Variants in ASB6 observed in about 807,000 individuals in gnomAD.
ASB6 encodes the protein ankyrin repeat and SOCS box protein 6.
A neutral mutation model predicts 28.6 loss-of-function variants in ASB6; 24 were observed. The ratio of observed to expected loss-of-function variants is 0.84; its 90% CI spans 0.61 to 1.18. ASB6 has a LOEUF of 1.18. ASB6 is among the 50% of genes most tolerant of loss of function. ASB6 has a pLI of 0.00. For missense variants in ASB6, 519 were observed against 559.8 expected (o/e 0.93, Z 0.74); for synonymous variants, 267 against 243.4 (o/e 1.10, Z -0.90).
chr9:129,635,435 T>C lies in ASB6; in HGVS notation c.*2355A>G, dbSNP rs1322765673. On this transcript the variant is annotated 3_prime_UTR_variant, in exon 6 of 6. Coordinates refer to ENST00000277458, the MANE Select transcript of ASB6 (RefSeq NM_017873.4). ...GCAGGAGAACCTCCCCGATGAGATCTACCATGTCTATAGCTTTGCCCTGAG... is the reference window on the plus strand; with the variant it reads ...GCAGGAGAACCTCCCCGATGAGATCCACCATGTCTATAGCTTTGCCCTGAG... 1 of 1,613,318 alleles carries C rather than the reference T, an allele frequency of 6.2e-7. No individual in the cohort carries two copies. Among genetic ancestry groups the C allele is most frequent in the East Asian group, 2.2e-5 (1 of 44,852 alleles).
rs964595152 is a variant in ASB6 at position 129,635,897 on chromosome 9, G to C, written c.*1893C>G. 28 of 190,906 alleles carry C rather than the reference G, an allele frequency of 1.5e-4. No individual in the cohort carries two copies. Among genetic ancestry groups the C allele is most frequent in the Non-Finnish European group, 5.5e-5 (5 of 91,602 alleles). 11.8% of individuals were successfully genotyped at this position (190,906 alleles called of 1,614,324 possible). On this transcript the variant is annotated 3_prime_UTR_variant, in exon 6 of 6. Transcript: ENST00000277458. ...CAGTGTGATCTTTACCTAGGGGAGG[G>C]ACAGAGCTGGGCTGGTGGAGCCCAT... is the stretch of plus-strand genomic sequence containing the variant.
In ASB6 at chr9:129,638,421, G is replaced by A. The variant is rs765164273; in HGVS notation, c.635C>T (p.Thr212Ile). ...DVKATTKDGD[T>I]VFTCIIFLLG... ...CAGGAAGATGATGCAGGTGAACACTGTGTCCCCATCTTTGGTGGTGGCCTT... is the reference window on the plus strand; with the variant it reads ...CAGGAAGATGATGCAGGTGAACACTATGTCCCCATCTTTGGTGGTGGCCTT... Residue 212 changes from threonine to isoleucine, a missense_variant, in exon 6 of 6, where the codon ACA becomes ATA. Coordinates refer to ENST00000277458, the MANE Select transcript of ASB6 (RefSeq NM_017873.4). 7.4e-6 allele frequency: 12 copies of A among 1,612,976 alleles called. No homozygotes were observed. In the South Asian group the frequency reaches 1.2e-4, roughly 16 times the overall value.
intron 4 of ASB6, 134 bp from the exon 5 acceptor site, chr9:129,638,793 T>A: frequency 1.4e-6 from 1 of 728,180 alleles, no homozygotes; most frequent in Non-Finnish European, 2.3e-6. Context: ...TCAGCTCAGG[T>A]GAGGGCTGAG....
intron 1 of ASB6, 169 bp from the exon 2 acceptor site, chr9:129,640,891 C>T: frequency 1.3e-6 from 1 of 766,058 alleles, no homozygotes; most frequent in Non-Finnish European, 2.1e-6. Context: ...GGCCACGCTG[C>T]ATCTCTTAAT....
Position 129,635,399 on chromosome 9 carries a change from G to A in ASB6, c.*2391C>T, listed in dbSNP as rs1350268866. On this transcript the variant is annotated 3_prime_UTR_variant, in exon 6 of 6. Coordinates refer to ENST00000277458, the MANE Select transcript of ASB6 (RefSeq NM_017873.4). Reference sequence around the variant, plus strand: ...CTGCAGTGCAGGCCTCAGCCTCCTGGCCGAGGAGAGGCAGGAGAACCTCCC... The same window carrying A: ...CTGCAGTGCAGGCCTCAGCCTCCTGACCGAGGAGAGGCAGGAGAACCTCCC... The A allele has an allele frequency of 6.2e-7, 1 of 1,613,638 alleles. No individual in the cohort carries two copies. The highest frequency in any genetic ancestry group is 1.1e-5 in the South Asian group (1 of 91,086).
Position 129,638,283 on chromosome 9 carries a change from G to A in ASB6, c.773C>T (p.Ala258Val), listed in dbSNP as rs1381373750. Reference protein sequence around the residue: ...AHGADPSECPAHESLTHICLK... With the variant: ...AHGADPSECPVHESLTHICLK... ...GCAGATGTGGGTGAGGGACTCGTGG[G>A]CTGGGCACTCGCTGGGGTCGGCCCC... The change falls in exon 6 of 6, where the codon GCC becomes GTC. Residue 258 changes from alanine to valine, a missense_variant. Physicochemically the swap from Ala to Val is moderately conservative, Grantham distance 64 (BLOSUM62 0). Transcript: ENST00000277458. 1 of 1,613,008 alleles carries A rather than the reference G, an allele frequency of 6.2e-7. No homozygotes were observed. The highest frequency in any genetic ancestry group is 8.5e-7 in the Non-Finnish European group (1 of 1,180,028).
chr9:129,639,313 G>C lies in ASB6; in HGVS notation c.403-3C>G. ...TCCAAGGGGCTACTCTCGTGGATCT[G>C]AGCCAAGGAAGCACAGCCAGGTTGG... On this transcript the variant is annotated splice_polypyrimidine_tract_variant and splice_region_variant and intron_variant, in intron 3 of 5. Coordinates refer to ENST00000277458, the MANE Select transcript of ASB6 (RefSeq NM_017873.4). The C allele has an allele frequency of 6.2e-7, 1 of 1,609,592 alleles. No homozygotes were observed. Among genetic ancestry groups the C allele is most frequent in the South Asian group, 1.1e-5 (1 of 90,862 alleles).
In ASB6 at chr9:129,635,087, A is replaced by G. The variant is rs1588145833; in HGVS notation, c.*2703T>C. ...CTCGGGACTGAGAGCCAATGAGGCC[A>G]TGTGTGCACACAAAATGCTGGGCAC... On this transcript the variant is annotated 3_prime_UTR_variant, in exon 6 of 6. Transcript: ENST00000277458. 8.6e-7 allele frequency: 1 copy of G among 1,156,282 alleles called. No homozygotes were observed. Among genetic ancestry groups the G allele is most frequent in the African/African-American group, 1.5e-5 (1 of 65,416 alleles). 71.6% of individuals were successfully genotyped at this position (1,156,282 alleles called of 1,614,324 possible).
At position 129,640,540 on chromosome 9, in the gene ASB6, C is replaced by T; in HGVS notation, c.295+1G>A. 6.2e-7 allele frequency: 1 copy of T among 1,605,392 alleles called. No homozygotes were observed. The highest frequency in any genetic ancestry group is 1.1e-5 in the South Asian group (1 of 90,466). On this transcript the variant is annotated splice_donor_variant, in intron 2 of 5. Transcript: ENST00000277458. LOFTEE classifies it high-confidence loss of function. ...TGCCCACCCCCGGGGCTCTCGCTGA[C>T]CTTCAAAGTTGAGATTGGCCCCATG...
At position 129,635,400 on chromosome 9, in the gene ASB6, C is replaced by T; in HGVS notation, c.*2390G>A. The T allele has an allele frequency of 6.2e-7, 1 of 1,613,610 alleles. No homozygotes were observed. The highest frequency in any genetic ancestry group is 8.5e-7 in the Non-Finnish European group (1 of 1,180,020). On this transcript the variant is annotated 3_prime_UTR_variant, in exon 6 of 6. Transcript: ENST00000277458. ...TGCAGTGCAGGCCTCAGCCTCCTGG[C>T]CGAGGAGAGGCAGGAGAACCTCCCC...
Position 129,639,385 on chromosome 9 carries a change from C to T in ASB6, c.402+17G>A, listed in dbSNP as rs1181609291. The T allele has an allele frequency of 3.6e-5, 57 of 1,602,948 alleles. No homozygotes were observed. The highest frequency in any genetic ancestry group is 4.7e-5 in the Non-Finnish European group (55 of 1,171,406). ...CTGCCCAACCCTGCTTCAAAGCAAGCTGGACCTGGCACTTACCCGGTCCCT... is the reference window on the plus strand; with the variant it reads ...CTGCCCAACCCTGCTTCAAAGCAAGTTGGACCTGGCACTTACCCGGTCCCT... On this transcript the variant is annotated intron_variant, in intron 3 of 5. Coordinates refer to ENST00000277458, the MANE Select transcript of ASB6 (RefSeq NM_017873.4).
Position 129,640,950 on chromosome 9 carries a change from TCTC to T in ASB6, c.114-231_114-229del. 5.5e-6 allele frequency: 3 copies of T among 544,058 alleles called. No homozygotes were observed. The South Asian group carries it at 7.2e-5, about 13-fold the overall frequency. 33.7% of individuals were successfully genotyped at this position (544,058 alleles called of 1,614,324 possible). On this transcript the variant is annotated intron_variant, in intron 1 of 5. Transcript: ENST00000277458. Reference sequence around the variant, plus strand: ...GAGAATGGGCTGGGTCTGTCTGCGCTCTCCTCCCGCGTTGCCCAGAGTCCGGTC... The same window carrying T: ...GAGAATGGGCTGGGTCTGTCTGCGCTCTCCCGCGTTGCCCAGAGTCCGGTC...
chr9:129,641,978 G>A lies in ASB6; in HGVS notation c.22C>T (p.Arg8Trp), dbSNP rs200575732. The A allele has an allele frequency of 6.2e-6, 10 of 1,601,970 alleles. No individual in the cohort carries two copies. Among genetic ancestry groups the A allele is most frequent in the Non-Finnish European group, 7.7e-6 (9 of 1,175,484 alleles). MPFLHGF[R>W]RIIFEYQPLV... ...GGCTGGTACTCGAAGATGATCCTCC[G>A]GAAGCCGTGCAGGAACGGCATCGCC... is the stretch of plus-strand genomic sequence containing the variant. The change falls in exon 1 of 6, where the codon CGG (arginine) becomes TGG (tryptophan). Residue 8 changes from arginine (R) to tryptophan (W), a missense_variant. Coordinates refer to ENST00000277458, the MANE Select transcript of ASB6 (RefSeq NM_017873.4).
chr9:129,637,934 G>A lies in ASB6; in HGVS notation c.1122C>T (p.Pro374=), dbSNP rs771732219. The A allele has an allele frequency of 6.3e-7, 1 of 1,593,142 alleles. No individual in the cohort carries two copies. The highest frequency in any genetic ancestry group is 8.6e-7 in the Non-Finnish European group (1 of 1,168,820). ...SLRQLESYPP[P]LKHLCRVAIR... is the part of the protein sequence containing the mutation. ...TGGCCACACGGCACAGGTGCTTGAGGGGCGGGGGATAGCTCTCCAGCTGCC... is the reference window on the plus strand; with the variant it reads ...TGGCCACACGGCACAGGTGCTTGAGAGGCGGGGGATAGCTCTCCAGCTGCC... Residue 374 remains proline, a synonymous_variant, in exon 6 of 6, where the codon CCC becomes CCT. Coordinates refer to ENST00000277458, the MANE Select transcript of ASB6 (RefSeq NM_017873.4).
In ASB6 at chr9:129,641,684, C is replaced by CGGG. The variant is rs11283660; in HGVS notation, c.113+202_113+203insCCC. Among the ~76,000 whole-genome samples, 106 of 151,112 alleles carry CGGG rather than the reference C, an allele frequency of 7.0e-4. 1 individual carries two copies. The highest frequency in any genetic ancestry group is 1.2e-3 in the Non-Finnish European group (80 of 67,630). On this transcript the variant is annotated intron_variant, in intron 1 of 5. Coordinates refer to ENST00000277458, the MANE Select transcript of ASB6 (RefSeq NM_017873.4). ...CCGCGGGCCTCCGCCCTCGGGCCCT[C>CGGG]CCCGCCCTTCGTCTCCGCCATGCAA... is the stretch of plus-strand genomic sequence containing the variant.
In ASB6 at chr9:129,635,533, C is replaced by G. The variant is rs1169621485; in HGVS notation, c.*2257G>C. Reference sequence around the variant, plus strand: ...GGGGAGCTGGCAGCTGGGCAAGATCCAGGCGCCACGCTGGCGGTTCGTGAG... The same window carrying G: ...GGGGAGCTGGCAGCTGGGCAAGATCGAGGCGCCACGCTGGCGGTTCGTGAG... On this transcript the variant is annotated 3_prime_UTR_variant, in exon 6 of 6. Transcript: ENST00000277458. The G allele has an allele frequency of 1.3e-6, 2 of 1,542,558 alleles. No individual in the cohort carries two copies. The highest frequency in any genetic ancestry group is 1.8e-6 in the Non-Finnish European group (2 of 1,141,126).
chr9:129,639,607 C>G (rs747697690), intron 2 of ASB6, 99 bp from the exon 3 acceptor site: 1 of 1,037,842 alleles, frequency 9.6e-7, no homozygotes, highest in Admixed American at 2.2e-5. Flanking sequence ...CTAAAGTGTC[C>G]AGAAGCACAG....
chr9:129,637,854 A>G lies in ASB6; in HGVS notation c.1202T>C (p.Leu401Pro). ...GAGGTACCACTTCAGCCTGTCGGGC[A>G]GAGGCAGGGCTTTGACCTTCACATC... ...PVDVKVKALPLPDRLKWYLLS... is the reference protein window; with the variant it reads ...PVDVKVKALPPPDRLKWYLLS... Residue 401 changes from leucine to proline, a missense_variant, in exon 6 of 6, where the codon CTG (leucine) becomes CCG (proline). Coordinates refer to ENST00000277458, the MANE Select transcript of ASB6 (RefSeq NM_017873.4). 1 of 1,530,488 alleles carries G rather than the reference A, an allele frequency of 6.5e-7. No homozygotes were observed. The highest frequency in any genetic ancestry group is 8.8e-7 in the Non-Finnish European group (1 of 1,139,692). The allele number at this position is 1,530,488 out of a possible 1,614,324, so 94.8% of individuals were successfully genotyped here.
Position 129,636,776 on chromosome 9 carries a change from A to C in ASB6, c.*1014T>G, listed in dbSNP as rs981063738. The C allele has an allele frequency of 2.0e-5, 3 of 151,892 alleles. No homozygotes were observed. Among genetic ancestry groups the C allele is most frequent in the Non-Finnish European group, 4.4e-5 (3 of 68,030 alleles). 9.4% of individuals were successfully genotyped at this position (151,892 alleles called of 1,614,324 possible). ...TGCTTCTTTGCAGGGACTTGGAAAC[A>C]ACCCCCCAAACACAGCATCCCCTCA... On this transcript the variant is annotated 3_prime_UTR_variant, in exon 6 of 6. Transcript: ENST00000277458.
Sources: gnomAD v4.1 joint callset for allele counts (sites outside exome capture counted in the v4.1 genomes callset) on GRCh38, gnomAD v4.1.1 for gene constraint, MANE v1.5 for transcripts, NCBI Gene and HGNC (gene_info 2026-07-23, HGNC 2026-07-21) for gene names.